SLC39A11: variants seen among roughly 807,000 people sequenced by gnomAD.
SLC39A11 encodes the protein solute carrier family 39 member 11, also known as zinc transporter ZIP11.
Under a neutral mutation model 36.1 loss-of-function variants are expected in SLC39A11, and 33 were observed. That is an observed-to-expected ratio of 0.91 (90% confidence interval 0.69 to 1.22). The LOEUF (loss-of-function observed/expected upper bound fraction) is 1.22. SLC39A11 is among the 50% of genes most tolerant of loss of function. The probability of loss-of-function intolerance (pLI) is 0.00; values close to 1 mark genes in which losing one functional copy is unlikely to be tolerated. For synonymous variants in SLC39A11, 166 were observed against 170.3 expected, an observed-to-expected ratio of 0.97 and a Z score of 0.20; for missense variants, 432 against 430.3, an observed-to-expected ratio of 1.00 and a Z score of -0.03.
chr17:72,991,780 G>T (rs559411637), intron 4 of SLC39A11, among the ~76,000 whole-genome samples: 1 of 152,292 alleles, frequency 6.6e-6, no homozygotes, highest in African/African-American at 2.4e-5. Context: ...ACCATTACAA[G>T]AAATGCTGCA....
At chr17:72,773,458 G>C (rs755374693) in intron 6 of SLC39A11, among the ~76,000 whole-genome samples, 8 of 151,904 alleles carry the variant, frequency 5.3e-5, no homozygotes, top group Non-Finnish European at 1.0e-4. Context: ...CCTTTTTCTT[G>C]GTTCTCATTC....
At chr17:72,903,595 G>T (rs889185182) in intron 5 of SLC39A11, among the ~76,000 whole-genome samples, 2 of 152,190 alleles carry the variant, frequency 1.3e-5, no homozygotes, top group African/African-American at 4.8e-5. Context: ...CCAAGCCCCC[G>T]GGTAATGAGC....
chr17:73,039,486 T>C (rs960820129), intron 3 of SLC39A11, among the ~76,000 whole-genome samples: 2 of 152,228 alleles, frequency 1.3e-5, no homozygotes, highest in Non-Finnish European at 2.9e-5. Flanking sequence ...GCATTCTCTG[T>C]CATCCTTGCT....
intron 6 of SLC39A11, among the ~76,000 whole-genome samples, chr17:72,810,128 T>C (rs1033865403): frequency 6.1e-4 from 91 of 149,380 alleles, no homozygotes; most frequent in Non-Finnish European, 2.4e-4. Context: ...ACTCTAGTAA[T>C]AATAATACTT....
intron 4 of SLC39A11, among the ~76,000 whole-genome samples, chr17:73,023,385 A>T (rs1433145337): frequency 6.6e-6 from 1 of 152,226 alleles, no homozygotes; most frequent in Non-Finnish European, 1.5e-5. Context: ...GCCATGGTTA[A>T]TGCCTGTAAT....
At chr17:73,055,762 C>A (rs1453723440) in intron 3 of SLC39A11, among the ~76,000 whole-genome samples, 1 of 152,122 alleles carries the variant, frequency 6.6e-6, no homozygotes, top group African/African-American at 2.4e-5. Context: ...GCCACCAAAT[C>A]TTAATCAATC....
intron 3 of SLC39A11, among the ~76,000 whole-genome samples, chr17:73,081,269 C>T (rs1323180053): frequency 1.3e-5 from 2 of 152,046 alleles, no homozygotes; most frequent in Non-Finnish European, 2.9e-5. Flanking sequence ...AACCACAATG[C>T]AACACCCCTT....
chr17:72,800,820 C>T (rs568660945), intron 6 of SLC39A11, among the ~76,000 whole-genome samples: 2 of 152,168 alleles, frequency 1.3e-5, no homozygotes, highest in South Asian at 4.2e-4. Flanking sequence ...GGAAGATGCT[C>T]CAAGTCAGTT....
intron 7 of SLC39A11, among the ~76,000 whole-genome samples, chr17:72,711,665 T>C (rs746958979): frequency 9.9e-5 from 15 of 152,228 alleles, no homozygotes; most frequent in Non-Finnish European, 1.9e-4. Flanking sequence ...AACAGCTTCC[T>C]GGAAGCCCTT....
intron 5 of SLC39A11, among the ~76,000 whole-genome samples, chr17:72,912,029 T>A (rs2083035904): frequency 6.6e-6 from 1 of 152,080 alleles, no homozygotes; most frequent in Non-Finnish European, 1.5e-5. Context: ...GGATTTGGGA[T>A]GCACAGGCAC....
intron 7 of SLC39A11, among the ~76,000 whole-genome samples, chr17:72,711,552 T>C (rs2073103885): frequency 6.6e-6 from 1 of 152,198 alleles, no homozygotes; most frequent in Non-Finnish European, 1.5e-5. Context: ...TTTATACCAT[T>C]ATAAATTTGG....
rs56036208 is a variant in SLC39A11 at position 72,949,144 on chromosome 17, C to CTTTTTTT, written c.307-1276_307-1270dup. ...AAATAAAATACCATACACTGGGCAG[C>CTTTTTTT]TTTTTTTTTTTTTTTTTTTTTTTTT... On this transcript the variant is annotated intron_variant, in intron 4 of 9. Transcript: ENST00000255559. Among the ~76,000 whole-genome samples, 121 of 36,502 alleles carry CTTTTTTT rather than the reference C, an allele frequency of 3.3e-3. 31 individuals carry two copies. The highest frequency in any genetic ancestry group is 6.9e-3 in the East Asian group (6 of 866). 23.9% of individuals were successfully genotyped at this position (36,502 alleles called of 152,430 possible).
rs60818316 is a variant in SLC39A11, at chr17:73,071,661, A to G, written c.147+13147T>C. On this transcript the variant is annotated intron_variant, in intron 3 of 9. Transcript: ENST00000255559. The stretch of plus-strand genomic sequence containing the variant: ...TCAGGGGCCAGCAGACTTCTTCTCT[A>G]CAGGGCCAGATAGTAAATATTTTAG... Among the ~76,000 whole-genome samples the G allele has an allele frequency of 7.7e-3, 1,180 of 152,352 alleles. 19 individuals are homozygous for G. Among genetic ancestry groups the G allele is most frequent in the African/African-American group, 0.027 (1,129 of 41,582 alleles).
intron 5 of SLC39A11, among the ~76,000 whole-genome samples, chr17:72,868,483 C>T (rs1346489609): frequency 3.3e-5 from 5 of 151,796 alleles, no homozygotes; most frequent in East Asian, 1.9e-4. Context: ...AATGTGTCTA[C>T]GGAAAATCTT....
chr17:72,663,217 G>A (rs2070556178), intron 7 of SLC39A11, among the ~76,000 whole-genome samples: 1 of 152,196 alleles, frequency 6.6e-6, no homozygotes, highest in African/African-American at 2.4e-5. Flanking sequence ...TAACATATTT[G>A]AAATTTTACA....
At chr17:72,963,655 T>C (rs1206922864) in intron 4 of SLC39A11, among the ~76,000 whole-genome samples, 1 of 152,206 alleles carries the variant, frequency 6.6e-6, no homozygotes, top group African/African-American at 2.4e-5. Flanking sequence ...AATTTTTTTA[T>C]GGCACAAACT....
At chr17:72,963,099 A>G (rs2086718808) in intron 4 of SLC39A11, among the ~76,000 whole-genome samples, 1 of 151,742 alleles carries the variant, frequency 6.6e-6, no homozygotes, top group African/African-American at 2.4e-5. Flanking sequence ...ACTTAATGGG[A>G]CTTAATTCCC....
At chr17:72,808,522 G>T (rs533916720) in intron 6 of SLC39A11, among the ~76,000 whole-genome samples, 1 of 152,148 alleles carries the variant, frequency 6.6e-6, no homozygotes, top group African/African-American at 2.4e-5. Flanking sequence ...TACGGGAGGG[G>T]CCTGAATTCT....
At chr17:72,685,113 T>C (rs1193312585) in intron 7 of SLC39A11, among the ~76,000 whole-genome samples, 1 of 152,080 alleles carries the variant, frequency 6.6e-6, no homozygotes, top group African/African-American at 2.4e-5. Flanking sequence ...CATTCCTACA[T>C]GCCAAGGCCC....
Sources: allele counts gnomAD v4.1 joint callset (sites outside exome capture counted in the v4.1 genomes callset), GRCh38; gene constraint gnomAD v4.1.1; transcripts MANE v1.5; gene names NCBI Gene and HGNC (gene_info 2026-07-23, HGNC 2026-07-21).